SAFB2: variants seen among roughly 807,000 people sequenced by gnomAD.
SAFB2 encodes scaffold attachment factor B2.
SAFB2 carries 32 observed loss-of-function variants against 100.6 expected under a neutral mutation model. That is an observed-to-expected ratio of 0.32 (90% CI 0.24 to 0.43). The LOEUF is 0.43. SAFB2 is among the 20% of genes least tolerant of loss of function. The pLI, the probability that SAFB2 is intolerant of heterozygous loss-of-function variation, is 1.00. For missense variants in SAFB2, 1,185 were observed against 1,163.4 expected (o/e 1.02, Z -0.27); for synonymous variants, 500 against 439.4 (o/e 1.14, Z -1.72).
At chr19:5,607,054 G>C (rs561851824) in intron 9 of SAFB2, among the ~76,000 whole-genome samples, 1 of 152,264 alleles carries the variant, frequency 6.6e-6, no homozygotes, top group African/African-American at 2.4e-5. Context: ...GAGGTCAGGA[G>C]ATCAAGACCA....
chr19:5,609,104 CTTAA>C (rs2052846550), intron 9 of SAFB2, among the ~76,000 whole-genome samples: 2 of 149,128 alleles, frequency 1.3e-5, no homozygotes, highest in Admixed American at 6.7e-5. Context: ...AAAGAAGACT[CTTAA>C]TTAATTTCAA....
At chr19:5,621,477 G>A (rs999309212) in intron 1 of SAFB2, 81 bp from the exon 2 acceptor site, 4 of 935,602 alleles carry the variant, frequency 4.3e-6, no homozygotes, top group Non-Finnish European at 7.0e-6. Flanking sequence ...AACCTCCCAT[G>A]AAACAAAGGC....
Position 5,587,178 on chromosome 19 carries a change from A to C in SAFB2, c.*65T>G. On this transcript the variant is annotated 3_prime_UTR_variant, in exon 21 of 21. Coordinates refer to ENST00000252542, the MANE Select transcript of SAFB2 (RefSeq NM_014649.3). The surrounding 1 kb of genome is among the most constrained non-coding windows in gnomAD (Gnocchi z 4.9). The stretch of plus-strand genomic sequence containing the variant: ...CTTTTAAAAAGATCCCCCAAGTTCG[A>C]GGGAACCCTGGCTACCAGATTCAAC... 6.3e-7 allele frequency: 1 copy of C among 1,583,920 alleles called. No individual in the cohort carries two copies. The highest frequency in any genetic ancestry group is 1.7e-5 in the Admixed American group (1 of 58,770).
In SAFB2 at chr19:5,587,221, GAA is replaced by G; in HGVS notation, c.*20_*21del. On this transcript the variant is annotated 3_prime_UTR_variant, in exon 21 of 21. Transcript: ENST00000252542. The surrounding 1 kb of genome is among the most constrained non-coding windows in gnomAD (Gnocchi z 4.9). Reference sequence around the variant, plus strand: ...GATTCAACAGTGCGTCTGCCCACCCGAAAACTCGCAGCGAGTGGGACTTAGTA... The same window carrying G: ...GATTCAACAGTGCGTCTGCCCACCCGAACTCGCAGCGAGTGGGACTTAGTA... The G allele has an allele frequency of 6.2e-7, 1 of 1,607,398 alleles. No individual in the cohort carries two copies. Among genetic ancestry groups the G allele is most frequent in the Non-Finnish European group, 8.5e-7 (1 of 1,175,230 alleles).
At chr19:5,592,400 C>T (rs2052428994) in intron 16 of SAFB2, among the ~76,000 whole-genome samples, 1 of 152,208 alleles carries the variant, frequency 6.6e-6, no homozygotes, top group African/African-American at 2.4e-5. Context: ...TGCACGTCCT[C>T]CATCAATTCT....
At chr19:5,595,266 G>T in intron 14 of SAFB2, 95 bp downstream of exon 14, 1 of 1,488,518 alleles carries the variant, frequency 6.7e-7, no homozygotes, top group South Asian at 1.3e-5. Context: ...ACTGGCTCTC[G>T]GGCACACAGA....
intron 11 of SAFB2, 58 bp from the exon 12 acceptor site, chr19:5,600,318 T>C: frequency 6.3e-7 from 1 of 1,594,558 alleles, no homozygotes; most frequent in Non-Finnish European, 8.5e-7. Context: ...CAGGAACGGC[T>C]CACCCAGAGC....
In SAFB2 at chr19:5,610,115, C is replaced by T. The variant is rs765564351; in HGVS notation, c.1196-20G>A. On this transcript the variant is annotated intron_variant, in intron 8 of 20. Transcript: ENST00000252542. Reference sequence around the variant, plus strand: ...CCCGACCTGGCACGAGAGGGAGATTCTTAGGCATCACCCCAAGGCCTAACA... The same window carrying T: ...CCCGACCTGGCACGAGAGGGAGATTTTTAGGCATCACCCCAAGGCCTAACA... The T allele has an allele frequency of 1.9e-6, 3 of 1,607,570 alleles. No homozygotes were observed. The highest frequency in any genetic ancestry group is 2.6e-6 in the Non-Finnish European group (3 of 1,174,316).
rs757520328 is a variant in SAFB2, at chr19:5,622,656, C to A, written c.60G>T (p.Pro20=). The A allele has an allele frequency of 6.2e-7, 1 of 1,608,562 alleles. No individual in the cohort carries two copies. The part of the protein sequence containing the change: ...DSGPGTASLG[P]GVAETGTRRL... ...GCCTCGTCCCAGTCTCCGCAACGCC[C>A]GGGCCGAGAGAAGCCGTGCCAGGGC... The change falls in exon 1 of 21, where the codon CCG becomes CCT. Residue 20 remains proline (P), a synonymous_variant. Coordinates refer to ENST00000252542, the MANE Select transcript of SAFB2 (RefSeq NM_014649.3).
intron 2 of SAFB2, 124 bp downstream of exon 2, chr19:5,621,183 ACT>A: frequency 1.4e-6 from 1 of 705,664 alleles, no homozygotes; most frequent in Non-Finnish European, 2.6e-6. Flanking sequence ...AGCAAAGCTA[ACT>A]CTTAGTGGAG....
rs1418315935 is a variant in SAFB2 at position 5,587,784 on chromosome 19, G to A, written c.2639-17C>T. On this transcript the variant is annotated splice_polypyrimidine_tract_variant and intron_variant, in intron 19 of 20. Coordinates refer to ENST00000252542, the MANE Select transcript of SAFB2 (RefSeq NM_014649.3). This position sits in a 1 kb window ranked among gnomAD's most constrained non-coding sequence, Gnocchi z 4.9. Reference sequence around the variant, plus strand: ...TCTCGCCACCTAGAAGAGAAGAAGGGTCTGCAAACACTCCGTTCCTGGGGA... The same window carrying A: ...TCTCGCCACCTAGAAGAGAAGAAGGATCTGCAAACACTCCGTTCCTGGGGA... 31 of 1,553,648 alleles carry A rather than the reference G, an allele frequency of 2.0e-5. No homozygotes were observed. Among genetic ancestry groups the A allele is most frequent in the Non-Finnish European group, 2.5e-5 (29 of 1,148,314 alleles).
chr19:5,590,294 GC>G lies in SAFB2; in HGVS notation c.2508del (p.Leu837CysfsTer18). On this transcript the variant is annotated frameshift_variant, in exon 18 of 21. Transcript: ENST00000252542. LOFTEE classifies it high-confidence loss of function. ...GSDKRLSEGR[G>X]LPPPPRGGRD... The stretch of plus-strand genomic sequence containing the variant: ...CCCACTAACCTGGGGGGAGGGGGCA[GC>G]CCCCGGCCTTCACTCAGCCTCTTGT... 2 of 1,601,182 alleles carry G rather than the reference GC, an allele frequency of 1.2e-6. No individual in the cohort carries two copies. Among genetic ancestry groups the G allele is most frequent in the Non-Finnish European group, 1.7e-6 (2 of 1,174,958 alleles).
chr19:5,619,988 TAAA>T (rs370842255), intron 2 of SAFB2, among the ~76,000 whole-genome samples: 1 of 152,002 alleles, frequency 6.6e-6, no homozygotes, highest in Non-Finnish European at 1.5e-5. Context: ...TCCCAACCAC[TAAA>T]AAAAGAAAAT....
chr19:5,590,285 G>T lies in SAFB2; in HGVS notation c.2518C>A (p.Pro840Thr), dbSNP rs751802703. 1.3e-6 allele frequency: 2 copies of T among 1,596,414 alleles called. No individual in the cohort carries two copies. The highest frequency in any genetic ancestry group is 2.3e-5 in the East Asian group (1 of 44,034). ...RLSEGRGLPP[P>T]PRGGRDWGEH... is the part of the protein sequence containing the mutation. ...TGGGGCTCACCCACTAACCTGGGGGGAGGGGGCAGCCCCCGGCCTTCACTC... is the reference window on the plus strand; with the variant it reads ...TGGGGCTCACCCACTAACCTGGGGGTAGGGGGCAGCCCCCGGCCTTCACTC... The change falls in exon 18 of 21, where the codon CCC (proline) becomes ACC (threonine). Residue 840 changes from proline (P) to threonine (T), a missense_variant. Pro to Thr is a conservative substitution (Grantham distance 38). This residue lies in a region of SAFB2 where 740 missense variants were observed against 687.1 expected (regional missense o/e 1.08). Transcript: ENST00000252542.
intron 13 of SAFB2, among the ~76,000 whole-genome samples, chr19:5,597,916 G>T (rs1435638816): frequency 6.6e-6 from 1 of 152,066 alleles, no homozygotes; most frequent in East Asian, 1.9e-4. Context: ...GATCACTTGA[G>T]GTCAGGAGTT....
intron 8 of SAFB2, 72 bp downstream of exon 8, chr19:5,610,567 A>C: frequency 9.2e-7 from 1 of 1,081,094 alleles, no homozygotes; most frequent in Non-Finnish European, 1.4e-6. Flanking sequence ...CAAAGTGTGT[A>C]TATCTCCAGG....
Position 5,610,092 on chromosome 19 carries a change from C to A in SAFB2, c.1199G>T (p.Arg400Leu). 1 of 1,613,726 alleles carries A rather than the reference C, an allele frequency of 6.2e-7. No homozygotes were observed. Among genetic ancestry groups the A allele is most frequent in the East Asian group, 2.2e-5 (1 of 44,874 alleles). ...IKPIIKDEKG[R>L]VGSGSGRNLW... Reference sequence around the variant, plus strand: ...GTTCCGACCAGAACCGCTGCCGACCCGACCTGGCACGAGAGGGAGATTCTT... The same window carrying A: ...GTTCCGACCAGAACCGCTGCCGACCAGACCTGGCACGAGAGGGAGATTCTT... The change falls in exon 9 of 21, where the codon CGG becomes CTG. Residue 400 changes from arginine to leucine, a missense_variant. Physicochemically the swap from Arg to Leu is moderately radical, Grantham distance 102 (BLOSUM62 -2). Around this residue, in one of 3 missense-constraint regions of SAFB2, gnomAD observed 94 missense variants for 135.1 expected, o/e 0.70. Transcript: ENST00000252542.
At chr19:5,594,227 G>A (rs2052488059) in intron 14 of SAFB2, 49 bp from the exon 15 acceptor site, 1 of 1,500,832 alleles carries the variant, frequency 6.7e-7, no homozygotes, top group South Asian at 1.3e-5. Flanking sequence ...GAGCCTCCAA[G>A]GAGAAAGCCC....
chr19:5,588,296 C>G (rs1017123590), intron 18 of SAFB2, among the ~76,000 whole-genome samples: 2 of 151,986 alleles, frequency 1.3e-5, no homozygotes, highest in Admixed American at 6.6e-5. Context: ...AACCCTTGTC[C>G]ACTGCTGGTG....
Sources: gnomAD v4.1 joint callset for allele counts (sites outside exome capture counted in the v4.1 genomes callset) on GRCh38, gnomAD v4.1.1 for gene constraint, gnomAD v4.1.1 regional missense constraint, Gnocchi (gnomAD v3.1) non-coding constraint, MANE v1.5 for transcripts, NCBI Gene and HGNC (gene_info 2026-07-23, HGNC 2026-07-21) for gene names.